Variants in PIP4K2C observed in about 807,000 individuals in gnomAD.
PIP4K2C encodes phosphatidylinositol 5-phosphate 4-kinase type-2 gamma.
A neutral mutation model predicts 45.0 loss-of-function variants in PIP4K2C; 21 were observed. The ratio of observed to expected loss-of-function variants is 0.47; its 90% CI spans 0.33 to 0.67. The LOEUF is 0.67. PIP4K2C is among the 30% of genes least tolerant of loss of function. PIP4K2C has a pLI of 0.02. For synonymous variants in PIP4K2C, 201 were observed against 204.8 expected (o/e 0.98, Z 0.16); for missense variants, 456 against 542.8 (o/e 0.84, Z 1.59).
chr12:57,599,246 T>G, intron 5 of PIP4K2C, 35 bp downstream of exon 5: 1 of 1,611,908 alleles, frequency 6.2e-7, no homozygotes, highest in Non-Finnish European at 8.5e-7. Context: ...AGAGGGAGGC[T>G]CCTGATAGCC....
chr12:57,599,051 C>A lies in PIP4K2C; in HGVS notation c.514-14C>A, dbSNP rs1883312245. ...CTCAGCCTCTCCCCATTCCTTCCCC[C>A]TCTTTCACTGTAGTACATTGTGAAG... is the stretch of plus-strand genomic sequence containing the variant. On this transcript the variant is annotated splice_polypyrimidine_tract_variant and intron_variant, in intron 4 of 9. Coordinates refer to ENST00000354947, the MANE Select transcript of PIP4K2C (RefSeq NM_024779.5). 2 of 1,612,492 alleles carry A rather than the reference C, an allele frequency of 1.2e-6. No individual in the cohort carries two copies. The highest frequency in any genetic ancestry group is 1.7e-6 in the Non-Finnish European group (2 of 1,178,946).
rs765521321 is a variant in PIP4K2C at position 57,591,298 on chromosome 12, C to T, written c.9C>T (p.Ser3=). The T allele has an allele frequency of 1.9e-6, 3 of 1,609,878 alleles. No individual in the cohort carries two copies. Among genetic ancestry groups the T allele is most frequent in the South Asian group, 2.2e-5 (2 of 90,834 alleles). The change falls in exon 1 of 10, where the codon TCC becomes TCT. Residue 3 remains serine, a synonymous_variant. Transcript: ENST00000354947. Reference sequence around the variant, plus strand: ...CGGTTGCGCGGGAGACTATGGCGTCCTCCTCGGTCCCACCAGCCACGGTAT... The same window carrying T: ...CGGTTGCGCGGGAGACTATGGCGTCTTCCTCGGTCCCACCAGCCACGGTAT... The part of the protein sequence containing the change: MA[S]SSVPPATVSA...
At chr12:57,596,997 C>T (rs965211485) in intron 4 of PIP4K2C, among the ~76,000 whole-genome samples, 12 of 152,122 alleles carry the variant, frequency 7.9e-5, no homozygotes, top group African/African-American at 2.9e-4. Context: ...TTGTAAGGCA[C>T]AGAGCCATGA....
At chr12:57,595,634 C>T (rs1883155984) in intron 3 of PIP4K2C, among the ~76,000 whole-genome samples, 1 of 145,276 alleles carries the variant, frequency 6.9e-6, no homozygotes, top group African/African-American at 2.6e-5. Flanking sequence ...ACTTGGGAGG[C>T]GAAGGTTGCA....
chr12:57,593,318 C>G (rs1205441812), intron 1 of PIP4K2C, among the ~76,000 whole-genome samples: 1 of 152,144 alleles, frequency 6.6e-6, no homozygotes, highest in African/African-American at 2.4e-5. Flanking sequence ...GACTGCAGAT[C>G]CTGGGGGCCG....
At chr12:57,591,659 C>A (rs1358879539) in intron 1 of PIP4K2C, among the ~76,000 whole-genome samples, 196 bp downstream of exon 1, 1 of 152,236 alleles carries the variant, frequency 6.6e-6, no homozygotes, top group East Asian at 1.9e-4. Flanking sequence ...CCCAACAGTT[C>A]TTTACTGCTC....
chr12:57,595,310 A>G, intron 3 of PIP4K2C, 88 bp downstream of exon 3: 2 of 852,568 alleles, frequency 2.3e-6, no homozygotes, highest in Non-Finnish European at 2.0e-6. Context: ...GAGAAATGAG[A>G]GTCTTGGCAA....
chr12:57,598,230 C>T (rs772563431), intron 4 of PIP4K2C, among the ~76,000 whole-genome samples: 19 of 151,996 alleles, frequency 1.3e-4, no homozygotes, highest in Non-Finnish European at 2.4e-4. Context: ...AAAAAGAATC[C>T]AAATTGTAGG....
chr12:57,601,358 C>T lies in PIP4K2C; in HGVS notation c.1185+10C>T, dbSNP rs143786378. On this transcript the variant is annotated intron_variant, in intron 9 of 9. Coordinates refer to ENST00000354947, the MANE Select transcript of PIP4K2C (RefSeq NM_024779.5). ...AACTGTCAAGCATGGGGTGAGAGTT[C>T]GCAAAAGCCTTTCCTTTCCTGTCTT... is the stretch of plus-strand genomic sequence containing the variant. The T allele has an allele frequency of 8.1e-5, 130 of 1,600,508 alleles. No individual in the cohort carries two copies. Among genetic ancestry groups the T allele is most frequent in the African/African-American group, 3.1e-4 (23 of 74,738 alleles).
chr12:57,598,390 G>T (rs1883280412), intron 4 of PIP4K2C, among the ~76,000 whole-genome samples: 1 of 151,960 alleles, frequency 6.6e-6, no homozygotes, highest in South Asian at 2.1e-4. Context: ...GCGTGGTGGT[G>T]TGCGCCTGTA....
intron 4 of PIP4K2C, chr12:57,597,938 A>T (rs1236480038): frequency 6.6e-6 from 1 of 152,194 alleles, no homozygotes; most frequent in African/African-American, 2.4e-5. Context: ...AGGAGAAATG[A>T]GGTATAAACC....
chr12:57,594,406 C>T (rs1883101937), intron 2 of PIP4K2C, among the ~76,000 whole-genome samples: 1 of 152,092 alleles, frequency 6.6e-6, no homozygotes, highest in African/African-American at 2.4e-5. Flanking sequence ...CCATGAGAAC[C>T]ATTAGCTTCT....
chr12:57,598,245 G>A (rs1422198017), intron 4 of PIP4K2C, among the ~76,000 whole-genome samples: 1 of 151,892 alleles, frequency 6.6e-6, no homozygotes, highest in Non-Finnish European at 1.5e-5. Context: ...TGTAGGCCGG[G>A]TGCAGTGGCT....
intron 1 of PIP4K2C, among the ~76,000 whole-genome samples, 197 bp from the exon 2 acceptor site, chr12:57,593,828 G>A (rs1883075877): frequency 6.6e-6 from 1 of 151,590 alleles, no homozygotes; most frequent in Non-Finnish European, 1.5e-5. Context: ...TGTGTGTGAG[G>A]GTTGCTTACT....
rs775542935 is a variant in PIP4K2C, at chr12:57,599,382, G to A, written c.661-18G>A. ...TTTTAGCCACTTCTACTGACTTGGT[G>A]TTTGGGTCTTTCTGCAGGGTTCCCT... On this transcript the variant is annotated intron_variant, in intron 5 of 9. Transcript: ENST00000354947. 1 of 1,614,112 alleles carries A rather than the reference G, an allele frequency of 6.2e-7. No homozygotes were observed. Among genetic ancestry groups the A allele is most frequent in the Non-Finnish European group, 8.5e-7 (1 of 1,180,030 alleles).
Position 57,599,090 on chromosome 12 carries a change from C to A in PIP4K2C, c.539C>A (p.Thr180Lys), listed in dbSNP as rs760924346. The change falls in exon 5 of 10, where the codon ACG (threonine) becomes AAG (lysine). Residue 180 changes from threonine (T) to lysine (K), a missense_variant. Thr to Lys is a moderately conservative substitution (Grantham distance 78). This residue lies in a region of PIP4K2C where 421 missense variants were observed against 473.1 expected (regional missense o/e 0.89). Coordinates refer to ENST00000354947, the MANE Select transcript of PIP4K2C (RefSeq NM_024779.5). ...TACATTGTGAAGTGCCATGGCAACA[C>A]GCTTCTGCCCCAGTTCCTGGGGATG... ...HQYIVKCHGN[T>K]LLPQFLGMYR... 1.2e-6 allele frequency: 2 copies of A among 1,614,202 alleles called. 1 individual carries two copies. Among genetic ancestry groups the A allele is most frequent in the South Asian group, 2.2e-5 (2 of 91,084 alleles).
In PIP4K2C at chr12:57,600,988, G is replaced by A. The variant is rs1883409509; in HGVS notation, c.991G>A (p.Gly331Ser). ...LVGSYGTSPE[G>S]IGGYIHSHRP... The stretch of plus-strand genomic sequence containing the variant: ...GGGCTCCTATGGCACCTCCCCAGAG[G>A]GTATCGGAGGCTACATCCATTCCCA... The change falls in exon 8 of 10, where the codon GGT (glycine) becomes AGT (serine). Residue 331 changes from glycine (G) to serine (S), a missense_variant. By Grantham distance (56) the Gly-to-Ser change is moderately conservative (BLOSUM62 0). Coordinates refer to ENST00000354947, the MANE Select transcript of PIP4K2C (RefSeq NM_024779.5). 1.2e-6 allele frequency: 2 copies of A among 1,614,126 alleles called. No individual in the cohort carries two copies. Among genetic ancestry groups the A allele is most frequent in the African/African-American group, 1.3e-5 (1 of 75,026 alleles).
chr12:57,599,318 G>GCAA (rs1883327328), intron 5 of PIP4K2C, 82 bp from the exon 6 acceptor site: 26 of 1,606,670 alleles, frequency 1.6e-5, no homozygotes, highest in Non-Finnish European at 2.1e-5. Flanking sequence ...AGAAGGCTGG[G>GCAA]TTTGAGTACT....
intron 6 of PIP4K2C, among the ~76,000 whole-genome samples, chr12:57,599,814 T>C (rs542712193): frequency 6.6e-6 from 1 of 152,260 alleles, no homozygotes; most frequent in African/African-American, 2.4e-5. Flanking sequence ...CCCAGCACTT[T>C]AGAAGGCCAA....
Sources: gnomAD v4.1 joint callset for allele counts (sites outside exome capture counted in the v4.1 genomes callset) on GRCh38, gnomAD v4.1.1 for gene constraint, gnomAD v4.1.1 regional missense constraint, MANE v1.5 for transcripts, NCBI Gene and HGNC (gene_info 2026-07-23, HGNC 2026-07-21) for gene names.